DTWD2: variants seen among roughly 807,000 people sequenced by gnomAD.
The protein encoded by DTWD2 is tRNA-uridine aminocarboxypropyltransferase 2.
DTWD2 carries 39 observed loss-of-function variants against 31.8 expected under a neutral mutation model. The ratio of observed to expected loss-of-function variants is 1.22; its 90% CI spans 0.95 to 1.60. The LOEUF (loss-of-function observed/expected upper bound fraction) is 1.60. DTWD2 is among the 40% of genes most tolerant of loss of function. DTWD2 has a pLI of 0.00. For missense variants in DTWD2, 515 were observed against 381.5 expected, an observed-to-expected ratio of 1.35 and a Z score of -2.92; for synonymous variants, 180 against 142.8, an observed-to-expected ratio of 1.26 and a Z score of -1.86.
chr5:118,906,684 G>A (rs536146850), intron 4 of DTWD2, among the ~76,000 whole-genome samples: 1 of 152,120 alleles, frequency 6.6e-6, no homozygotes. Flanking sequence ...TAAAGACAGG[G>A]AAAGGGTAGG....
intron 4 of DTWD2, among the ~76,000 whole-genome samples, chr5:118,906,320 C>A (rs540250582): frequency 6.6e-6 from 1 of 152,244 alleles, no homozygotes; most frequent in East Asian, 1.9e-4. Flanking sequence ...GCACCTACCA[C>A]AGAATTGAGC....
chr5:118,926,848 G>T (rs985457393), intron 4 of DTWD2, among the ~76,000 whole-genome samples: 1 of 152,082 alleles, frequency 6.6e-6, no homozygotes, highest in Admixed American at 6.6e-5. Flanking sequence ...GGAGTTATAG[G>T]TACAAGCCAC....
chr5:118,948,351 G>T (rs1283158170), intron 1 of DTWD2, among the ~76,000 whole-genome samples: 1 of 152,094 alleles, frequency 6.6e-6, no homozygotes, highest in Non-Finnish European at 1.5e-5. Context: ...CATGATGGCA[G>T]GTGCCTGTAG....
intron 1 of DTWD2, among the ~76,000 whole-genome samples, chr5:118,965,433 A>AG (rs1465063796): frequency 2.0e-5 from 3 of 150,172 alleles, no homozygotes; most frequent in Admixed American, 2.0e-4. Context: ...TGTATCCAAC[A>AG]GCTCACTGAG....
At chr5:118,841,208 G>A in intron 5 of DTWD2, 121 bp from the exon 6 acceptor site, 1 of 1,066,658 alleles carries the variant, frequency 9.4e-7, no homozygotes, top group South Asian at 1.6e-5. Flanking sequence ...TTTTAACTAT[G>A]AGAAACACTA....
At chr5:118,984,868 T>C (rs993894613) in intron 1 of DTWD2, among the ~76,000 whole-genome samples, 5 of 152,214 alleles carry the variant, frequency 3.3e-5, no homozygotes, top group Non-Finnish European at 7.3e-5. Context: ...AAAATATTTC[T>C]GGAATGAGGC....
intron 4 of DTWD2, among the ~76,000 whole-genome samples, chr5:118,883,967 ATAGTG>A (rs1475078893): frequency 6.6e-6 from 1 of 152,258 alleles, no homozygotes; most frequent in Non-Finnish European, 1.5e-5. Context: ...AAGAGACAGA[ATAGTG>A]TAGTTCAAAA....
At chr5:118,880,341 T>C (rs1049715103) in intron 4 of DTWD2, among the ~76,000 whole-genome samples, 2 of 152,172 alleles carry the variant, frequency 1.3e-5, no homozygotes, top group Non-Finnish European at 2.9e-5. Context: ...AAAACACTTA[T>C]CAATCAGATG....
chr5:118,975,019 A>G (rs376646791), intron 1 of DTWD2, among the ~76,000 whole-genome samples: 5,418 of 152,028 alleles, frequency 0.036, 120 homozygotes, highest in Middle Eastern at 0.068. Flanking sequence ...TGCTCTTCTC[A>G]AGGAGTATCT....
chr5:118,966,272 T>C (rs868338185), intron 1 of DTWD2, among the ~76,000 whole-genome samples: 2 of 152,362 alleles, frequency 1.3e-5, no homozygotes, highest in Middle Eastern at 3.4e-3. Flanking sequence ...TATGATAAAA[T>C]GTTCAAGTTT....
chr5:118,930,016 C>G (rs1358411974), intron 3 of DTWD2, among the ~76,000 whole-genome samples: 1 of 152,222 alleles, frequency 6.6e-6, no homozygotes, highest in East Asian at 1.9e-4. Flanking sequence ...CTCTAAGCCC[C>G]TATTCTTTCT....
chr5:118,917,262 TAAG>T (rs1344984612), intron 4 of DTWD2, among the ~76,000 whole-genome samples: 1 of 151,920 alleles, frequency 6.6e-6, no homozygotes, highest in African/African-American at 2.4e-5. Context: ...TGAAAGAAAA[TAAG>T]AAGGACATTT....
At chr5:118,846,933 C>CACAT (rs1193235898) in intron 5 of DTWD2, among the ~76,000 whole-genome samples, 3 of 118,420 alleles carry the variant, frequency 2.5e-5, no homozygotes, top group Non-Finnish European at 4.6e-5. Context: ...CACACACACA[C>CACAT]ACACACACAC....
chr5:118,881,138 T>C (rs890981942), intron 4 of DTWD2, among the ~76,000 whole-genome samples: 3 of 152,184 alleles, frequency 2.0e-5, no homozygotes, highest in African/African-American at 4.8e-5. Flanking sequence ...CTAGCTACCT[T>C]GTGTTTCTCA....
In DTWD2 at chr5:118,864,647, T is replaced by A. The variant is rs866002436; in HGVS notation, c.598-16429A>T. Among the ~76,000 whole-genome samples the A allele has an allele frequency of 1.2e-3, 183 of 150,448 alleles. 3 individuals are homozygous for A. The highest frequency in any genetic ancestry group is 0.01 in the Middle Eastern group (3 of 288). ...TCTTTTTTTATTTTATTTTATTTTT[T>A]TTTTATTTTATTATATTATTATTAT... On this transcript the variant is annotated intron_variant, in intron 4 of 5. Coordinates refer to ENST00000510708, the MANE Select transcript of DTWD2 (RefSeq NM_173666.4).
chr5:118,848,181 A>G lies in DTWD2; in HGVS notation c.635T>C (p.Ile212Thr). 1 of 1,606,450 alleles carries G rather than the reference A, an allele frequency of 6.2e-7. No homozygotes were observed. Among genetic ancestry groups the G allele is most frequent in the Non-Finnish European group, 8.5e-7 (1 of 1,176,692 alleles). Reference sequence around the variant, plus strand: ...GCATCTATTAGTCGGCTGCATCCGAATTACATACTGACTAGAAATGCTAGT... The same window carrying G: ...GCATCTATTAGTCGGCTGCATCCGAGTTACATACTGACTAGAAATGCTAGT... ...LKTSISSQYVIRMQPTNRCLS... is the reference protein window; with the variant it reads ...LKTSISSQYVTRMQPTNRCLS... The change falls in exon 5 of 6, where the codon ATT (isoleucine) becomes ACT (threonine). Residue 212 changes from isoleucine (I) to threonine (T), a missense_variant. Transcript: ENST00000510708.
rs550471089 is a variant in DTWD2, at chr5:118,953,890, C to T, written c.219-9241G>A. 4.2e-3 allele frequency among the ~76,000 whole-genome samples: 643 copies of T among 152,310 alleles called. 6 individuals carry two copies. Among genetic ancestry groups the T allele is most frequent in the African/African-American group, 0.015 (625 of 41,564 alleles). On this transcript the variant is annotated intron_variant, in intron 1 of 5. Transcript: ENST00000510708. ...TCTTATGCACCTGAGTGTCTAGCAA[C>T]TGGTGCTCTGCCTGGTATCTTATCC...
At position 118,840,723 on chromosome 5, in the gene DTWD2, G is replaced by T; in HGVS notation, c.*194C>A. On this transcript the variant is annotated 3_prime_UTR_variant, in exon 6 of 6. Transcript: ENST00000510708. ...AAAAACAAGTACAGTAGGAAATCCT[G>T]CTTTTCAGTGAGCCAGTGAATTTCT... The T allele has an allele frequency of 2.0e-6, 1 of 508,878 alleles. No homozygotes were observed. The highest frequency in any genetic ancestry group is 3.0e-6 in the Non-Finnish European group (1 of 328,480). 31.5% of individuals were successfully genotyped at this position (508,878 alleles called of 1,614,324 possible).
At position 118,913,247 on chromosome 5, in the gene DTWD2, G is replaced by C. The variant is rs76495822; in HGVS notation, c.597+15290C>G. Among the ~76,000 whole-genome samples, 12 of 152,014 alleles carry C rather than the reference G, an allele frequency of 7.9e-5. No individual in the cohort carries two copies. In the East Asian group the frequency reaches 2.3e-3, roughly 29 times the overall value. ...CATGGCTCATTAGGGAAGGGTGAAA[G>C]TACTCCAACCTGGAGCTCCTTCAAC... On this transcript the variant is annotated intron_variant, in intron 4 of 5. Coordinates refer to ENST00000510708, the MANE Select transcript of DTWD2 (RefSeq NM_173666.4).
Sources: gnomAD v4.1 joint callset for allele counts (sites outside exome capture counted in the v4.1 genomes callset) on GRCh38, gnomAD v4.1.1 for gene constraint, MANE v1.5 for transcripts, NCBI Gene and HGNC (gene_info 2026-07-23, HGNC 2026-07-21) for gene names.